SLC39A11: variants seen among roughly 807,000 people sequenced by gnomAD.
The protein encoded by SLC39A11 is solute carrier family 39 member 11.
A neutral mutation model predicts 36.1 loss-of-function variants in SLC39A11; 33 were observed. That is an observed-to-expected ratio of 0.91 (90% confidence interval 0.69 to 1.22). The LOEUF (loss-of-function observed/expected upper bound fraction) is 1.22. Ranked by LOEUF, SLC39A11 falls within the 50% of genes most tolerant of loss-of-function variation. The pLI, the probability that SLC39A11 is intolerant of heterozygous loss-of-function variation, is 0.00. For synonymous variants in SLC39A11, 166 were observed against 170.3 expected (o/e 0.97, Z 0.20); for missense variants, 432 against 430.3 (o/e 1.00, Z -0.03).
At chr17:72,888,181 C>A (rs1193078459) in intron 5 of SLC39A11, among the ~76,000 whole-genome samples, 2 of 152,166 alleles carry the variant, frequency 1.3e-5, no homozygotes, top group Admixed American at 1.3e-4. Flanking sequence ...GGTGGAGAAC[C>A]TTCATACTCA....
intron 5 of SLC39A11, among the ~76,000 whole-genome samples, chr17:72,903,706 A>C (rs1295461966): frequency 1.3e-5 from 2 of 152,170 alleles, no homozygotes; most frequent in Non-Finnish European, 2.9e-5. Flanking sequence ...TAATGGAGGA[A>C]ATCAATGTGA....
At chr17:72,729,420 TA>T (rs2074076229) in intron 7 of SLC39A11, among the ~76,000 whole-genome samples, 12 of 2,334 alleles carry the variant, frequency 5.1e-3, no homozygotes, top group African/African-American at 0.014. Flanking sequence ...TATATATATA[TA>T]TATATATATA....
chr17:72,860,805 T>C (rs2079937703), intron 5 of SLC39A11, among the ~76,000 whole-genome samples: 1 of 152,138 alleles, frequency 6.6e-6, no homozygotes, highest in East Asian at 1.9e-4. Flanking sequence ...AAAGCAGCTG[T>C]TTTTCTGCCC....
chr17:72,739,154 G>A (rs1483491954), intron 6 of SLC39A11, among the ~76,000 whole-genome samples: 1 of 147,808 alleles, frequency 6.8e-6, no homozygotes, highest in African/African-American at 2.5e-5. Flanking sequence ...TTGAGACACA[G>A]TCTCACTCTG....
At chr17:72,760,850 C>T (rs2075550841) in intron 6 of SLC39A11, among the ~76,000 whole-genome samples, 2 of 152,166 alleles carry the variant, frequency 1.3e-5, no homozygotes, top group South Asian at 4.1e-4. Flanking sequence ...GCCTTCCAGC[C>T]ACCCCACTGG....
chr17:72,964,326 G>C (rs1384584374), intron 4 of SLC39A11, among the ~76,000 whole-genome samples: 1 of 152,240 alleles, frequency 6.6e-6, no homozygotes. Flanking sequence ...CCCTGGATGA[G>C]CTGCGTAGTT....
At position 72,828,642 on chromosome 17, in the gene SLC39A11, C is replaced by T. The variant is rs369728678; in HGVS notation, c.601+20992G>A. ...TGAGTTCCTGTTTGAGAGGAGTCTC[C>T]GCAGCCTGAGTCTGGGGGGTTTTCG... is the stretch of plus-strand genomic sequence containing the variant. On this transcript the variant is annotated intron_variant, in intron 6 of 9. Coordinates refer to ENST00000255559, the MANE Select transcript of SLC39A11 (RefSeq NM_139177.4). Among the ~76,000 whole-genome samples the T allele has an allele frequency of 3.2e-4, 49 of 152,292 alleles. No individual in the cohort carries two copies. The East Asian group carries it at 3.3e-3, about 10-fold the overall frequency.
In SLC39A11 at chr17:72,673,758, C is replaced by T. The variant is rs550772252; in HGVS notation, c.672-24490G>A. Reference sequence around the variant, plus strand: ...GTGAAACACTTCTGTAAGAAACAGTCGGAGTTATTCAAGAAGGGAAACTTG... The same window carrying T: ...GTGAAACACTTCTGTAAGAAACAGTTGGAGTTATTCAAGAAGGGAAACTTG... On this transcript the variant is annotated intron_variant, in intron 7 of 9. Transcript: ENST00000255559. Among the ~76,000 whole-genome samples the T allele has an allele frequency of 1.6e-3, 247 of 152,124 alleles. 1 individual carries two copies. The highest frequency in any genetic ancestry group is 5.6e-3 in the African/African-American group (233 of 41,520).
intron 4 of SLC39A11, among the ~76,000 whole-genome samples, chr17:73,023,460 T>C (rs2058424794): frequency 6.6e-6 from 1 of 152,092 alleles, no homozygotes; most frequent in East Asian, 1.9e-4. Flanking sequence ...AGGTGTCCAA[T>C]CAAAATGGTG....
chr17:73,007,817 G>C (rs2090268588), intron 4 of SLC39A11, among the ~76,000 whole-genome samples: 1 of 152,186 alleles, frequency 6.6e-6, no homozygotes, highest in African/African-American at 2.4e-5. Context: ...AACATTTGTG[G>C]TTGGGCCAGG....
intron 1 of SLC39A11, among the ~76,000 whole-genome samples, chr17:73,089,410 C>A (rs1292759549): frequency 6.6e-6 from 1 of 152,176 alleles, no homozygotes. Flanking sequence ...ACAATCCTGC[C>A]TCCAAGTCCC....
chr17:72,924,162 A>T lies in SLC39A11; in HGVS notation c.430+23590T>A, dbSNP rs199610947. ...CCCCGTCTCAAAAAAAAAAAAAAAA[A>T]TTTTTTTTTTTTTTTTAAGGAAAGA... On this transcript the variant is annotated intron_variant, in intron 5 of 9. Transcript: ENST00000255559. 8.3e-3 allele frequency among the ~76,000 whole-genome samples: 996 copies of T among 120,448 alleles called. 17 individuals are homozygous for T. The highest frequency in any genetic ancestry group is 0.032 in the Middle Eastern group (7 of 222). The allele number at this position is 120,448 out of a possible 152,430, so 79.0% of individuals were successfully genotyped here.
intron 7 of SLC39A11, among the ~76,000 whole-genome samples, chr17:72,727,435 C>T (rs1248663287): frequency 6.6e-6 from 1 of 151,974 alleles, no homozygotes; most frequent in Non-Finnish European, 1.5e-5. Flanking sequence ...GGGTGGATCA[C>T]GAGGTCAGGA....
In SLC39A11 at chr17:72,743,898, C is replaced by T. The variant is rs1568018648; in HGVS notation, c.602-7179G>A. Among the ~76,000 whole-genome samples, 4 of 152,206 alleles carry T rather than the reference C, an allele frequency of 2.6e-5. No individual in the cohort carries two copies. In the South Asian group the frequency reaches 8.3e-4, roughly 31 times the overall value. ...CCATTAGCTCAGGGAAAATGAACTG[C>T]CTGGCCTGGGTTAGTAAGTCCGACT... On this transcript the variant is annotated intron_variant, in intron 6 of 9. Coordinates refer to ENST00000255559, the MANE Select transcript of SLC39A11 (RefSeq NM_139177.4).
chr17:72,862,026 C>T (rs141006788), intron 5 of SLC39A11, among the ~76,000 whole-genome samples: 3 of 151,754 alleles, frequency 2.0e-5, no homozygotes, highest in South Asian at 2.1e-4. Context: ...AAACAAAAAC[C>T]AAAACCATGA....
intron 7 of SLC39A11, among the ~76,000 whole-genome samples, chr17:72,659,207 A>G (rs973311592): frequency 6.6e-6 from 1 of 152,140 alleles, no homozygotes. Context: ...AATCTGATAC[A>G]CAGCAAAAGA....
chr17:72,867,786 ACACG>A (rs1033222839), intron 5 of SLC39A11, among the ~76,000 whole-genome samples: 2 of 151,696 alleles, frequency 1.3e-5, no homozygotes, highest in African/African-American at 4.8e-5. Context: ...ACACACACAC[ACACG>A]CACACACACC....
chr17:73,016,455 T>C (rs2148546896), intron 4 of SLC39A11, among the ~76,000 whole-genome samples: 1 of 152,134 alleles, frequency 6.6e-6, no homozygotes, highest in East Asian at 1.9e-4. Flanking sequence ...TGCCTCAGCC[T>C]CCCGAGTAGC....
intron 6 of SLC39A11, among the ~76,000 whole-genome samples, chr17:72,742,627 G>A (rs1159864662): frequency 3.3e-5 from 5 of 152,092 alleles, no homozygotes; most frequent in African/African-American, 1.2e-4. Flanking sequence ...ATAAACAACA[G>A]CTGGTTGACT....
Sources: gnomAD v4.1 joint callset for allele counts (sites outside exome capture counted in the v4.1 genomes callset) on GRCh38, gnomAD v4.1.1 for gene constraint, MANE v1.5 for transcripts, NCBI Gene and HGNC (gene_info 2026-07-23, HGNC 2026-07-21) for gene names.